The following CEP70 variants were observed in gnomAD, a reference collection of about 807,000 sequenced individuals.
The protein encoded by CEP70 is centrosomal protein of 70 kDa.
In CEP70, 70 loss-of-function variants were observed where a neutral mutation model predicts 90.9. That is an observed-to-expected ratio of 0.77 (90% CI 0.64 to 0.94). CEP70 has a LOEUF of 0.94. CEP70 is among the 40% of genes least tolerant of loss of function. CEP70 has a pLI of 0.00. For missense variants in CEP70, 648 were observed against 669.0 expected (o/e 0.97, Z 0.35); for synonymous variants, 220 against 228.3 (o/e 0.96, Z 0.33).
chr3:138,587,578 A>G lies in CEP70; in HGVS notation c.-6+4276T>C, dbSNP rs143288510. Among the ~76,000 whole-genome samples the G allele has an allele frequency of 5.5e-3, 831 of 151,236 alleles. 7 individuals are homozygous for G. The highest frequency in any genetic ancestry group is 0.019 in the African/African-American group (801 of 41,142). On this transcript the variant is annotated intron_variant, in intron 2 of 17. Transcript: ENST00000264982. ...CAGGAGGACAGCTTGAGGCCCAGGA[A>G]TTCAAGACCAGACTGGGCAACATAG...
chr3:138,592,129 C>T (rs572533107), intron 1 of CEP70, among the ~76,000 whole-genome samples, 173 bp from the exon 2 acceptor site: 1 of 152,294 alleles, frequency 6.6e-6, no homozygotes, highest in South Asian at 2.1e-4. Context: ...TATGCCTCTT[C>T]CCTTCTCTTC....
chr3:138,521,387 C>A (rs13070299), intron 11 of CEP70, among the ~76,000 whole-genome samples: 2 of 144,788 alleles, frequency 1.4e-5, no homozygotes, highest in African/African-American at 5.1e-5. Context: ...GGCCGCCCAT[C>A]ATCTGGGATG....
intron 6 of CEP70, 40 bp from the exon 7 acceptor site, chr3:138,537,387 A>T: frequency 7.5e-7 from 1 of 1,335,216 alleles, no homozygotes; most frequent in Non-Finnish European, 1.0e-6. Flanking sequence ...TGATATGTAC[A>T]TCTAGGACAT....
intron 8 of CEP70, chr3:138,530,706 C>T (rs2037736467): frequency 1.0e-6 from 1 of 985,198 alleles, no homozygotes; most frequent in Non-Finnish European, 1.2e-6. Flanking sequence ...GGCCTGGCTT[C>T]CCCCGTCTTC....
chr3:138,576,861 A>G (rs988606157), intron 2 of CEP70, among the ~76,000 whole-genome samples: 4 of 152,236 alleles, frequency 2.6e-5, no homozygotes, highest in African/African-American at 9.6e-5. Flanking sequence ...TACTGTGTAA[A>G]TAACAAAATG....
intron 6 of CEP70, among the ~76,000 whole-genome samples, chr3:138,551,755 AAAAT>A (rs2039636096): frequency 7.3e-6 from 1 of 137,596 alleles, no homozygotes; most frequent in Non-Finnish European, 1.6e-5. Context: ...TAAAAAAAAA[AAAAT>A]AAAATAAAAC....
chr3:138,591,316 G>A (rs1030433437), intron 2 of CEP70, among the ~76,000 whole-genome samples: 8 of 152,094 alleles, frequency 5.3e-5, no homozygotes, highest in South Asian at 2.1e-4. Context: ...TTTGTGTTTA[G>A]AGTTACCCAA....
chr3:138,571,185 T>C (rs914024119), intron 4 of CEP70, 28 bp from the exon 5 acceptor site: 3 of 1,551,240 alleles, frequency 1.9e-6, no homozygotes, highest in Non-Finnish European at 2.6e-6. Context: ...ATAATACAGA[T>C]AGTAAAAATA....
Position 138,529,214 on chromosome 3 carries a change from T to G in CEP70, c.854A>C (p.Lys285Thr), listed in dbSNP as rs139123944. The G allele has an allele frequency of 9.0e-5, 144 of 1,600,350 alleles. 1 individual carries two copies. The African/African-American group carries it at 1.2e-3, about 13-fold the overall frequency. Residue 285 changes from lysine (K) to threonine (T), a missense_variant, in exon 10 of 18, where the codon AAA becomes ACA. Coordinates refer to ENST00000264982, the MANE Select transcript of CEP70 (RefSeq NM_024491.4). ...ALSSEKLNLQ[K>T]DLETRPTQHE... The stretch of plus-strand genomic sequence containing the variant: ...TTTCTCTCACCTGGTTTCCAAATCT[T>G]TTTGGAGGTTCAGCTTTTCACTTGA...
rs762421059 is a variant in CEP70 at position 138,529,398 on chromosome 3, G to C, written c.757C>G (p.Pro253Ala). ...ENDYRNLDAS[P>A]TYKGLLMSLQ... Reference sequence around the variant, plus strand: ...ACCATTAAAAGGCCTTTATAAGTTGGTGAGGCATCCAGATTTCTGTAGTCG... The same window carrying C: ...ACCATTAAAAGGCCTTTATAAGTTGCTGAGGCATCCAGATTTCTGTAGTCG... Residue 253 changes from proline to alanine, a missense_variant, in exon 9 of 18, where the codon CCA (proline) becomes GCA (alanine). Coordinates refer to ENST00000264982, the MANE Select transcript of CEP70 (RefSeq NM_024491.4). 1.4e-5 allele frequency: 22 copies of C among 1,610,308 alleles called. No homozygotes were observed. The highest frequency in any genetic ancestry group is 1.9e-5 in the Non-Finnish European group (22 of 1,178,152).
rs190202633 is a variant in CEP70, at chr3:138,502,769, A to G, written c.1222-1888T>C. On this transcript the variant is annotated intron_variant, in intron 13 of 17. Coordinates refer to ENST00000264982, the MANE Select transcript of CEP70 (RefSeq NM_024491.4). ...CCATCAAGTAAGCTCTGAAAAATAT[A>G]AGAGGGTCTCCTAGGTTCTTTACAT... Among the ~76,000 whole-genome samples the G allele has an allele frequency of 2.9e-3, 437 of 152,316 alleles. 4 individuals are homozygous for G. The highest frequency in any genetic ancestry group is 0.01 in the African/African-American group (421 of 41,580).
intron 6 of CEP70, among the ~76,000 whole-genome samples, chr3:138,538,173 A>C (rs74358832): frequency 0.036 from 5,544 of 152,280 alleles, 341 homozygotes; most frequent in African/African-American, 0.13. Context: ...TGTCTATAGC[A>C]AGAAAAACTG....
intron 11 of CEP70, among the ~76,000 whole-genome samples, chr3:138,517,588 G>A (rs887491875): frequency 2.6e-4 from 39 of 152,322 alleles, no homozygotes; most frequent in African/African-American, 8.4e-4. Context: ...AGAATGGCGT[G>A]AGCCCAGGAG....
intron 6 of CEP70, among the ~76,000 whole-genome samples, chr3:138,554,169 C>G (rs1040240770): frequency 1.1e-4 from 16 of 151,144 alleles, no homozygotes; most frequent in Admixed American, 3.3e-4. Context: ...CCACCGCACT[C>G]TAGCCTGGAC....
chr3:138,541,887 G>A (rs369809411), intron 6 of CEP70, among the ~76,000 whole-genome samples: 4 of 152,152 alleles, frequency 2.6e-5, no homozygotes, highest in Admixed American at 6.5e-5. Context: ...GCTGAGTGTC[G>A]TAGCATGCAC....
chr3:138,505,488 T>G, intron 12 of CEP70, 23 bp from the exon 13 acceptor site: 1 of 1,492,994 alleles, frequency 6.7e-7, no homozygotes. Flanking sequence ...ATAGTGTATA[T>G]AGTCAAAATA....
At position 138,500,833 on chromosome 3, in the gene CEP70, G is replaced by A. The variant is rs769804831; in HGVS notation, c.1270C>T (p.Leu424Phe). ...TTTTCATCCTGCTTCTTCAAATTAA[G>A]CCAAGGTACCAGTTCTGCAGATAGT... ...KTLSAELVPWLNLKKQDENEG... is the reference protein window; with the variant it reads ...KTLSAELVPWFNLKKQDENEG... Residue 424 changes from leucine to phenylalanine, a missense_variant, in exon 14 of 18, where the codon CTT becomes TTT. Leu to Phe is a conservative substitution (Grantham distance 22, BLOSUM62 0). Coordinates refer to ENST00000264982, the MANE Select transcript of CEP70 (RefSeq NM_024491.4). 2.0e-5 allele frequency: 32 copies of A among 1,605,960 alleles called. No individual in the cohort carries two copies. Among genetic ancestry groups the A allele is most frequent in the Non-Finnish European group, 2.6e-5 (30 of 1,174,990 alleles).
intron 6 of CEP70, among the ~76,000 whole-genome samples, chr3:138,555,280 A>G (rs763366857): frequency 6.6e-6 from 1 of 150,854 alleles, no homozygotes; most frequent in Non-Finnish European, 1.5e-5. Flanking sequence ...AAGATGGATC[A>G]AGGACTTAAA....
intron 2 of CEP70, among the ~76,000 whole-genome samples, chr3:138,575,305 T>G (rs576568205): frequency 2.6e-5 from 4 of 152,176 alleles, no homozygotes; most frequent in Admixed American, 6.5e-5. Context: ...ATGTGACACA[T>G]GCACAAGCTT....
Sources: gnomAD v4.1 joint callset for allele counts (sites outside exome capture counted in the v4.1 genomes callset) on GRCh38, gnomAD v4.1.1 for gene constraint, MANE v1.5 for transcripts, NCBI Gene and HGNC (gene_info 2026-07-23, HGNC 2026-07-21) for gene names.